CXorf38: variants seen among roughly 807,000 people sequenced by gnomAD.
CXorf38 encodes the protein chromosome X open reading frame 38, also known as uncharacterized protein CXorf38.
A neutral mutation model predicts 27.5 loss-of-function variants in CXorf38; 13 were observed. That is an observed-to-expected ratio of 0.47 (90% confidence interval 0.31 to 0.75). CXorf38 has a LOEUF of 0.75. Among genes scored for constraint, CXorf38 ranks in the 30% least tolerant of loss-of-function variants. CXorf38 has a pLI of 0.05. For missense variants in CXorf38, 240 were observed against 253.2 expected (o/e 0.95, Z 0.35); for synonymous variants, 100 against 99.8 (o/e 1.00, Z -0.01).
Position 40,636,530 on chromosome X carries a change from T to C in CXorf38, c.801+3A>G. The C allele has an allele frequency of 1.7e-6, 2 of 1,188,913 alleles. No homozygotes were observed. The highest frequency in any genetic ancestry group is 2.3e-6 in the Non-Finnish European group (2 of 878,126). On this transcript the variant is annotated splice_donor_region_variant and intron_variant, in intron 5 of 6. Coordinates refer to ENST00000327877, the MANE Select transcript of CXorf38 (RefSeq NM_144970.3). ...CACAGAGCCTATAACACTTTTCTTTTACCTCTTCAGGCAACACCTCTTGTT... is the reference window on the plus strand; with the variant it reads ...CACAGAGCCTATAACACTTTTCTTTCACCTCTTCAGGCAACACCTCTTGTT...
At position 40,629,397 on chromosome X, in the gene CXorf38, C is replaced by T. The variant is rs974592304; in HGVS notation, c.*767G>A. On this transcript the variant is annotated 3_prime_UTR_variant, in exon 7 of 7. Coordinates refer to ENST00000327877, the MANE Select transcript of CXorf38 (RefSeq NM_144970.3). ...TCCTCTAAAAAGGAAATATTTCTTTCCTATCCCAACATTTATATCCCAGCC... is the reference window on the plus strand; with the variant it reads ...TCCTCTAAAAAGGAAATATTTCTTTTCTATCCCAACATTTATATCCCAGCC... The T allele has an allele frequency of 2.7e-5, 3 of 111,891 alleles. No homozygotes were observed. Among genetic ancestry groups the T allele is most frequent in the African/African-American group, 9.7e-5 (3 of 30,830 alleles). The allele number at this position is 111,891 out of a possible 1,213,427, so 9.2% of individuals were successfully genotyped here. A position where few individuals can be genotyped will look rare whatever the true frequency, so the allele number is the denominator to read the frequency against.
intron 2 of CXorf38, among the ~76,000 whole-genome samples, chrX:40,645,055 T>C (rs749098111): frequency 9.0e-6 from 1 of 111,350 alleles, no homozygotes; most frequent in Non-Finnish European, 1.9e-5. Flanking sequence ...TGATGGGCCA[T>C]GGAATCTGGG....
chrX:40,646,519 G>A (rs1212533867), intron 2 of CXorf38, among the ~76,000 whole-genome samples: 5 of 111,576 alleles, frequency 4.5e-5, no homozygotes, highest in South Asian at 3.7e-4. Flanking sequence ...AGACAGATCC[G>A]GCTGCCTACC....
At chrX:40,634,047 T>C (rs1160788782) in intron 5 of CXorf38, among the ~76,000 whole-genome samples, 1 of 111,619 alleles carries the variant, frequency 9.0e-6, no homozygotes, top group African/African-American at 3.3e-5. Context: ...ACATGCACAG[T>C]GTATTTTAAT....
intron 1 of CXorf38, 47 bp downstream of exon 1, chrX:40,647,258 A>AGGGGT: frequency 2.9e-6 from 1 of 343,043 alleles, no homozygotes; most frequent in Non-Finnish European, 3.9e-6. Context: ...GGGGATGAGG[A>AGGGGT]GGGGTGGGGT....
chrX:40,634,275 T>C (rs775924693), intron 5 of CXorf38, among the ~76,000 whole-genome samples: 5 of 111,671 alleles, frequency 4.5e-5, no homozygotes, highest in Middle Eastern at 4.6e-3. Context: ...CTCCCTACAT[T>C]GCCCAGGCTG....
In CXorf38 at chrX:40,637,075, T is replaced by A; in HGVS notation, c.553A>T (p.Ile185Phe). 1 of 1,205,767 alleles carries A rather than the reference T, an allele frequency of 8.3e-7. No homozygotes were observed. The highest frequency in any genetic ancestry group is 1.1e-6 in the Non-Finnish European group (1 of 890,301). Residue 185 changes from isoleucine to phenylalanine, a missense_variant, in exon 4 of 7, where the codon ATC (isoleucine) becomes TTC (phenylalanine). By Grantham distance (21) the Ile-to-Phe change is conservative. Coordinates refer to ENST00000327877, the MANE Select transcript of CXorf38 (RefSeq NM_144970.3). Reference sequence around the variant, plus strand: ...TTGAATTCATTCAGAAAATTTTGGATCTTCATCTGAAAATCTCGAAGCCAC... The same window carrying A: ...TTGAATTCATTCAGAAAATTTTGGAACTTCATCTGAAAATCTCGAAGCCAC... ...STWLRDFQMK[I>F]QNFLNEFKNI...
chrX:40,634,338 C>T (rs192859987), intron 5 of CXorf38, among the ~76,000 whole-genome samples: 1 of 111,772 alleles, frequency 8.9e-6, no homozygotes, highest in Admixed American at 9.5e-5. Context: ...CTGAAAGTGC[C>T]GGGATTACAG....
intron 2 of CXorf38, 115 bp from the exon 3 acceptor site, chrX:40,639,243 G>T: frequency 3.6e-6 from 3 of 833,360 alleles, no homozygotes; most frequent in Non-Finnish European, 5.1e-6. Context: ...TATGCACTGA[G>T]GTTTCAACTT....
intron 2 of CXorf38, among the ~76,000 whole-genome samples, chrX:40,641,290 C>G (rs1041708910): frequency 3.6e-5 from 4 of 111,966 alleles, no homozygotes; most frequent in African/African-American, 1.3e-4. Flanking sequence ...GGGCCTTAGT[C>G]ACCTCCGAAT....
At chrX:40,637,815 C>T (rs1009527907) in intron 3 of CXorf38, among the ~76,000 whole-genome samples, 5 of 111,925 alleles carry the variant, frequency 4.5e-5, no homozygotes, top group African/African-American at 6.5e-5. Context: ...GAGCAGATTT[C>T]CAAGCAATCC....
intron 2 of CXorf38, among the ~76,000 whole-genome samples, chrX:40,644,998 G>A (rs779896992): frequency 4.5e-5 from 5 of 111,306 alleles, no homozygotes; most frequent in Non-Finnish European, 9.4e-5. Context: ...CAAGTTCAGA[G>A]AAAGGAGAAA....
At position 40,647,460 on chromosome X, in the gene CXorf38, C is replaced by T. The variant is rs767570312; in HGVS notation, c.61G>A (p.Ala21Thr). ...CGCAGCAGTAACAGGCAGTGGCCCG[C>T]CTTCACCCAGTTCTTGTACTCGGCG... is the stretch of plus-strand genomic sequence containing the variant. The part of the protein sequence containing the change: ...NCAEYKNWVK[A>T]GHCLLLLRSC... Residue 21 changes from alanine to threonine, a missense_variant, in exon 1 of 7, where the codon GCG (alanine) becomes ACG (threonine). Coordinates refer to ENST00000327877, the MANE Select transcript of CXorf38 (RefSeq NM_144970.3). 2.5e-6 allele frequency: 3 copies of T among 1,193,002 alleles called. No individual in the cohort carries two copies. The highest frequency in any genetic ancestry group is 3.6e-5 in the South Asian group (2 of 55,241).
chrX:40,642,839 A>G (rs1404906641), intron 2 of CXorf38, among the ~76,000 whole-genome samples: 1 of 109,503 alleles, frequency 9.1e-6, no homozygotes, highest in Non-Finnish European at 1.9e-5. Flanking sequence ...TGGTGCCACC[A>G]CAGTTCACTG....
rs370160609 is a variant in CXorf38, at chrX:40,634,628, C to G, written c.801+1905G>C. 3.2e-4 allele frequency among the ~76,000 whole-genome samples: 36 copies of G among 111,949 alleles called. No individual in the cohort carries two copies. The South Asian group carries it at 0.013, about 42-fold the overall frequency. On this transcript the variant is annotated intron_variant, in intron 5 of 6. Coordinates refer to ENST00000327877, the MANE Select transcript of CXorf38 (RefSeq NM_144970.3). The stretch of plus-strand genomic sequence containing the variant: ...GACAGCATTTTACATTCATTGAAAT[C>G]TGGTCCTAACAAATCCTCTGACTTT...
rs765505908 is a variant in CXorf38, at chrX:40,647,056, C to T, written c.302G>A (p.Gly101Glu). The T allele has an allele frequency of 1.7e-5, 21 of 1,210,712 alleles. 1 individual carries two copies. In the South Asian group the frequency reaches 2.5e-4, roughly 14 times the overall value. ...GGGCCAGCGGCCCGGCCGGCAGTTT[C>T]CCCAGTGCACATCTCCATTTCTGTT... ...HVNRNGDVHW[G>E]NCRPGRWPVD... is the part of the protein sequence containing the mutation. Residue 101 changes from glycine (G) to glutamate (E), a missense_variant, in exon 2 of 7, where the codon GGA becomes GAA. Gly to Glu is a moderately conservative substitution (Grantham distance 98). Transcript: ENST00000327877.
rs1333750546 is a variant in CXorf38, at chrX:40,628,902, C to T, written c.*1262G>A. The T allele has an allele frequency of 1.8e-5, 2 of 111,374 alleles. No homozygotes were observed. The highest frequency in any genetic ancestry group is 6.5e-5 in the African/African-American group (2 of 30,575). 9.2% of individuals were successfully genotyped at this position (111,374 alleles called of 1,213,427 possible). A position where few individuals can be genotyped will look rare whatever the true frequency, so the allele number is the denominator to read the frequency against. On this transcript the variant is annotated 3_prime_UTR_variant, in exon 7 of 7. Coordinates refer to ENST00000327877, the MANE Select transcript of CXorf38 (RefSeq NM_144970.3). Reference sequence around the variant, plus strand: ...CCCGCTTGTAATGCTGGCCTGGGTCCTGCCTGTCCACTGGTCACTCGAGTC... The same window carrying T: ...CCCGCTTGTAATGCTGGCCTGGGTCTTGCCTGTCCACTGGTCACTCGAGTC...
rs1325131094 is a variant in CXorf38, at chrX:40,647,119, C to A, written c.239G>T (p.Cys80Phe). 3 of 1,212,064 alleles carry A rather than the reference C, an allele frequency of 2.5e-6. No homozygotes were observed. Among genetic ancestry groups the A allele is most frequent in the South Asian group, 3.5e-5 (2 of 57,015 alleles). Residue 80 changes from cysteine to phenylalanine, a missense_variant, in exon 2 of 7, where the codon TGC (cysteine) becomes TTC (phenylalanine). Cys to Phe is a radical substitution (Grantham distance 205). Transcript: ENST00000327877. Reference protein sequence around the residue: ...ARQFQPQCQVCAEWKREILRH... With the variant: ...ARQFQPQCQVFAEWKREILRH... ...CAAAATCTCCCTTTTCCATTCAGCG[C>A]ACACCTGACACTGAGGCTGAAACTA... is the stretch of plus-strand genomic sequence containing the variant.
At position 40,629,046 on chromosome X, in the gene CXorf38, GT is replaced by G. The variant is rs1927653955; in HGVS notation, c.*1117del. ...TTTTTTTTTTTTGAGACAGGGTCTT[GT>G]TCTGCTACCCAGGCTGGAGTGCAGT... is the stretch of plus-strand genomic sequence containing the variant. On this transcript the variant is annotated 3_prime_UTR_variant, in exon 7 of 7. Coordinates refer to ENST00000327877, the MANE Select transcript of CXorf38 (RefSeq NM_144970.3). The G allele has an allele frequency of 9.3e-6, 1 of 108,008 alleles. No homozygotes were observed. The highest frequency in any genetic ancestry group is 1.9e-5 in the Non-Finnish European group (1 of 52,660). 8.9% of individuals were successfully genotyped at this position (108,008 alleles called of 1,213,427 possible).
Sources: allele counts gnomAD v4.1 joint callset (sites outside exome capture counted in the v4.1 genomes callset), GRCh38; gene constraint gnomAD v4.1.1; transcripts MANE v1.5; gene names NCBI Gene and HGNC (gene_info 2026-07-23, HGNC 2026-07-21).